ZFPM1: variants seen among roughly 807,000 people sequenced by gnomAD.
ZFPM1 encodes zinc finger protein ZFPM1.
Under a neutral mutation model 46.3 loss-of-function variants are expected in ZFPM1, and 28 were observed. The observed-to-expected ratio is 0.60, with a 90% CI of 0.45 to 0.83. ZFPM1 has a LOEUF of 0.83. ZFPM1 is among the 40% of genes least tolerant of loss of function. The pLI is 0.00. For missense variants in ZFPM1, 1,878 were observed against 1,432.4 expected (o/e 1.31, Z -5.02); for synonymous variants, 957 against 675.9 (o/e 1.42, Z -6.45).
rs772331325 is a variant in ZFPM1 at position 88,532,938 on chromosome 16, G to C, written c.1189+3G>C. The stretch of plus-strand genomic sequence containing the variant: ...CCCAGCAACCAAGCTGCCCCCAGGT[G>C]AGCAGCCCTGTGGGGGCCACCCCTG... On this transcript the variant is annotated splice_donor_region_variant and intron_variant, in intron 9 of 9. Coordinates refer to ENST00000319555, the MANE Select transcript of ZFPM1 (RefSeq NM_153813.3). 1 of 1,612,858 alleles carries C rather than the reference G, an allele frequency of 6.2e-7. No homozygotes were observed. Among genetic ancestry groups the C allele is most frequent in the East Asian group, 2.2e-5 (1 of 44,886 alleles).
At chr16:88,532,500 C>G in intron 7 of ZFPM1, 114 bp from the exon 8 acceptor site, 1 of 1,141,636 alleles carries the variant, frequency 8.8e-7, no homozygotes, top group South Asian at 1.5e-5. Context: ...AAAGACCCTT[C>G]AGCACAGGGT....
At chr16:88,524,531 C>T (rs979796601) in intron 4 of ZFPM1, among the ~76,000 whole-genome samples, 1 of 152,248 alleles carries the variant, frequency 6.6e-6, no homozygotes, top group African/African-American at 2.4e-5. Flanking sequence ...ACAGTGGACA[C>T]TCAGCATGTG....
chr16:88,532,931 C>T lies in ZFPM1; in HGVS notation c.1185C>T (p.Pro395=), dbSNP rs749596307. Residue 395 remains proline (P), a synonymous_variant, in exon 9 of 10, where the codon CCC becomes CCT. Transcript: ENST00000319555. ...CCGGACACCCAGCAACCAAGCTGCCCCCAGGTGAGCAGCCCTGTGGGGGCC... is the reference window on the plus strand; with the variant it reads ...CCGGACACCCAGCAACCAAGCTGCCTCCAGGTGAGCAGCCCTGTGGGGGCC... ...PGAGHPATKL[P]PDSLGSFQQQ... The T allele has an allele frequency of 9.9e-6, 16 of 1,612,868 alleles. No homozygotes were observed. The Admixed American group carries it at 2.3e-4, about 24-fold the overall frequency.
chr16:88,522,020 CCTG>C (rs1309380224), intron 4 of ZFPM1: 1 of 152,904 alleles, frequency 6.5e-6, no homozygotes, highest in Admixed American at 6.5e-5. Flanking sequence ...CAGGTGCCTA[CCTG>C]CTATTTCTGG....
In ZFPM1 at chr16:88,514,514, G is replaced by A. The variant is rs768582886; in HGVS notation, c.396G>A (p.Ala132=). The A allele has an allele frequency of 2.4e-5, 37 of 1,559,112 alleles. 1 individual carries two copies. Among genetic ancestry groups the A allele is most frequent in the Admixed American group, 1.3e-4 (7 of 52,460 alleles). Residue 132 remains alanine (A), a synonymous_variant, in exon 4 of 10, where the codon GCG becomes GCA. Coordinates refer to ENST00000319555, the MANE Select transcript of ZFPM1 (RefSeq NM_153813.3). The part of the protein sequence containing the change: ...VQTRASSPRQ[A]EPSPALTLLL... ...CCAGAGCCTCATCCCCCAGGCAGGC[G>A]GAGCCGGTAAGAAGCCCCCATCCCC...
In ZFPM1 at chr16:88,489,161, C is replaced by T. The variant is rs1341620776; in HGVS notation, c.268+8C>T. The T allele has an allele frequency of 4.4e-6, 7 of 1,590,644 alleles. No homozygotes were observed. Among genetic ancestry groups the T allele is most frequent in the African/African-American group, 2.7e-5 (2 of 74,058 alleles). ...GTCCCTGGAGCGGGCCAGGTAACCA[C>T]GCGGGTGGTGGGGGCAGCAGCATCG... On this transcript the variant is annotated splice_region_variant and intron_variant, in intron 3 of 9. Transcript: ENST00000319555.
At chr16:88,523,235 C>G (rs1484421403) in intron 4 of ZFPM1, among the ~76,000 whole-genome samples, 3 of 152,144 alleles carry the variant, frequency 2.0e-5, no homozygotes, top group Non-Finnish European at 4.4e-5. Context: ...GGCCCCCTTC[C>G]CCCTTGCTCC....
chr16:88,467,586 A>G (rs1251750028), intron 1 of ZFPM1, among the ~76,000 whole-genome samples: 1 of 152,224 alleles, frequency 6.6e-6, no homozygotes, highest in East Asian at 1.9e-4. Flanking sequence ...TGCAGGGCAC[A>G]TGCGCAGCTG....
chr16:88,488,072 T>G (rs9937296), intron 2 of ZFPM1, among the ~76,000 whole-genome samples: 1 of 152,096 alleles, frequency 6.6e-6, no homozygotes, highest in Non-Finnish European at 1.5e-5. Context: ...GCGAGTCCCT[T>G]GGTGGCTGGG....
chr16:88,464,421 T>C (rs1908037336), intron 1 of ZFPM1, among the ~76,000 whole-genome samples: 1 of 152,244 alleles, frequency 6.6e-6, no homozygotes, highest in Non-Finnish European at 1.5e-5. Flanking sequence ...TCAGTCCTGC[T>C]GCTGTCCCCA....
intron 1 of ZFPM1, among the ~76,000 whole-genome samples, chr16:88,462,335 G>A (rs1239957880): frequency 1.3e-5 from 2 of 152,228 alleles, no homozygotes; most frequent in African/African-American, 4.8e-5. Flanking sequence ...GCGTGCTGAG[G>A]GCTCCTGTCT....
At chr16:88,503,391 G>A (rs1226506843) in intron 3 of ZFPM1, among the ~76,000 whole-genome samples, 11 of 125,366 alleles carry the variant, frequency 8.8e-5, no homozygotes, top group African/African-American at 3.4e-4. Flanking sequence ...GGGGGGCCAC[G>A]GTTCCTGAGT....
rs371520729 is a variant in ZFPM1 at position 88,471,360 on chromosome 16, C to T, written c.41-14579C>T. Reference sequence around the variant, plus strand: ...AGATGACTGTGTCCGTGGCGGCTCCCGCTCACAGTTCAGGACCCCGAGATG... The same window carrying T: ...AGATGACTGTGTCCGTGGCGGCTCCTGCTCACAGTTCAGGACCCCGAGATG... On this transcript the variant is annotated intron_variant, in intron 1 of 9. Coordinates refer to ENST00000319555, the MANE Select transcript of ZFPM1 (RefSeq NM_153813.3). The surrounding 1 kb of genome is among the most constrained non-coding windows in gnomAD (Gnocchi z 4.1). Among the ~76,000 whole-genome samples the T allele has an allele frequency of 1.3e-5, 2 of 152,200 alleles. No individual in the cohort carries two copies. The highest frequency in any genetic ancestry group is 4.1e-4 in the South Asian group (2 of 4,832).
intron 3 of ZFPM1, among the ~76,000 whole-genome samples, chr16:88,492,626 C>G (rs550259136): frequency 6.6e-6 from 1 of 152,232 alleles, no homozygotes; most frequent in East Asian, 1.9e-4. Context: ...ACCCCGACCC[C>G]GGTTAGACCC....
At chr16:88,529,116 C>CA in intron 6 of ZFPM1, among the ~76,000 whole-genome samples, 1 of 152,322 alleles carries the variant, frequency 6.6e-6, no homozygotes, top group East Asian at 1.9e-4. Flanking sequence ...CCATATCTGC[C>CA]AAAACTTTGA....
intron 4 of ZFPM1, among the ~76,000 whole-genome samples, chr16:88,517,971 G>A (rs1392903454): frequency 6.6e-6 from 1 of 152,160 alleles, no homozygotes; most frequent in Non-Finnish European, 1.5e-5. Context: ...AGCACTTTGG[G>A]AGGCCGAGGT....
At chr16:88,474,988 A>C (rs922225449) in intron 1 of ZFPM1, among the ~76,000 whole-genome samples, 8 of 152,244 alleles carry the variant, frequency 5.3e-5, no homozygotes, top group Non-Finnish European at 7.3e-5. Context: ...CCTGAATGGC[A>C]GCTGACCTGA....
At chr16:88,455,277 T>G (rs1375830000) in intron 1 of ZFPM1, among the ~76,000 whole-genome samples, 1 of 151,942 alleles carries the variant, frequency 6.6e-6, no homozygotes, top group Non-Finnish European at 1.5e-5. Context: ...CGAGAGCCCG[T>G]AGCCCAGCCC....
In ZFPM1 at chr16:88,532,302, G is replaced by T. The variant is rs543472388; in HGVS notation, c.946+67G>T. 9 of 1,437,556 alleles carry T rather than the reference G, an allele frequency of 6.3e-6. No individual in the cohort carries two copies. In the African/African-American group the frequency reaches 1.1e-4, roughly 18 times the overall value. 89.1% of individuals were successfully genotyped at this position (1,437,556 alleles called of 1,614,324 possible). On this transcript the variant is annotated intron_variant, in intron 7 of 9. Coordinates refer to ENST00000319555, the MANE Select transcript of ZFPM1 (RefSeq NM_153813.3). ...GCTTCCCCACCCAGTCCCGCAGGCC[G>T]CCCGGGAAAACCCACATGCAAGCAC... is the stretch of plus-strand genomic sequence containing the variant.
Sources: allele counts gnomAD v4.1 joint callset (sites outside exome capture counted in the v4.1 genomes callset), GRCh38; gene constraint gnomAD v4.1.1; non-coding constraint Gnocchi (gnomAD v3.1); transcripts MANE v1.5; gene names NCBI Gene and HGNC (gene_info 2026-07-23, HGNC 2026-07-21).